Variants in PPFIBP1 observed in about 807,000 individuals in gnomAD.
PPFIBP1 encodes the protein liprin-beta-1.
A neutral mutation model predicts 137.8 loss-of-function variants in PPFIBP1; 112 were observed. The ratio of observed to expected loss-of-function variants is 0.81; its 90% CI spans 0.70 to 0.95. The LOEUF is 0.95. Ranked by LOEUF, PPFIBP1 falls within the 40% of genes least tolerant of loss-of-function variation. The pLI is 0.00. For missense variants in PPFIBP1, 1,083 were observed against 1,196.6 expected, an observed-to-expected ratio of 0.91 and a Z score of 1.40; for synonymous variants, 378 against 417.3, an observed-to-expected ratio of 0.91 and a Z score of 1.15.
At chr12:27,651,591 A>G (rs1431998222) in intron 7 of PPFIBP1, among the ~76,000 whole-genome samples, 1 of 152,146 alleles carries the variant, frequency 6.6e-6, no homozygotes, top group East Asian at 1.9e-4. Context: ...TCCTAACCCC[A>G]TAGTCGCAGG....
chr12:27,604,196 A>G (rs531815556), intron 2 of PPFIBP1, among the ~76,000 whole-genome samples: 42 of 152,358 alleles, frequency 2.8e-4, no homozygotes, highest in East Asian at 9.6e-4. Context: ...AGACTAACCC[A>G]GTTGGAGAAA....
intron 2 of PPFIBP1, among the ~76,000 whole-genome samples, chr12:27,610,590 T>C (rs1372798688): frequency 1.2e-4 from 18 of 152,206 alleles, no homozygotes; most frequent in Non-Finnish European, 2.5e-4. Flanking sequence ...GCAGAAAACA[T>C]GGGAGGAGAC....
At position 27,688,308 on chromosome 12, in the gene PPFIBP1, C is replaced by T. The variant is rs777145411; in HGVS notation, c.2381C>T (p.Ala794Val). Residue 794 changes from alanine to valine, a missense_variant, in exon 26 of 30, where the codon GCC becomes GTC. Ala to Val is a moderately conservative substitution (Grantham distance 64). Transcript: ENST00000228425. ...RRRPSDENTI[A>V]PSEVQKWTNH... The stretch of plus-strand genomic sequence containing the variant: ...TGTGTGTTCCCATAGAATACCATCG[C>T]CCCATCAGAAGTTCAGAAGTGGACT... 17 of 1,613,774 alleles carry T rather than the reference C, an allele frequency of 1.1e-5. No individual in the cohort carries two copies. The highest frequency in any genetic ancestry group is 1.4e-5 in the Non-Finnish European group (17 of 1,179,886).
intron 1 of PPFIBP1, among the ~76,000 whole-genome samples, chr12:27,558,066 T>C (rs986598532): frequency 1.3e-5 from 2 of 152,226 alleles, no homozygotes; most frequent in Non-Finnish European, 2.9e-5. Context: ...TTTGGGTATA[T>C]GTAGAAAGTG....
At chr12:27,650,323 T>TA (rs1381213586) in intron 7 of PPFIBP1, among the ~76,000 whole-genome samples, 182 bp downstream of exon 7, 5 of 152,256 alleles carry the variant, frequency 3.3e-5, no homozygotes, top group South Asian at 4.1e-4. Context: ...ATTGACTTTT[T>TA]ATCACTAGAT....
intron 1 of PPFIBP1, among the ~76,000 whole-genome samples, chr12:27,538,944 A>G (rs1397064446): frequency 6.6e-6 from 1 of 152,138 alleles, no homozygotes; most frequent in Non-Finnish European, 1.5e-5. Context: ...TTTGTGTCAC[A>G]ACCTGGGGGT....
chr12:27,610,955 A>G (rs1027159050), intron 2 of PPFIBP1, among the ~76,000 whole-genome samples: 1 of 151,976 alleles, frequency 6.6e-6, no homozygotes, highest in Non-Finnish European at 1.5e-5. Context: ...TAGGAAAAGT[A>G]TGAAAAACAA....
At position 27,688,422 on chromosome 12, in the gene PPFIBP1, T is replaced by A; in HGVS notation, c.2495T>A (p.Met832Lys). The A allele has an allele frequency of 6.2e-7, 1 of 1,613,512 alleles. No individual in the cohort carries two copies. The highest frequency in any genetic ancestry group is 8.5e-7 in the Non-Finnish European group (1 of 1,179,842). Residue 832 changes from methionine (M) to lysine (K), a missense_variant and splice_region_variant, in exon 26 of 30, where the codon ATG (methionine) becomes AAG (lysine). Physicochemically the swap from Met to Lys is moderately conservative, Grantham distance 95 (BLOSUM62 -1). Transcript: ENST00000228425. The stretch of plus-strand genomic sequence containing the variant: ...GGCAGTGGTGTCCATGGTGGGCTCA[T>A]GGTAAAGCTCTGATTTAATTTAAAA... ...LRGSGVHGGL[M>K]VLEPRFNVET...
chr12:27,589,360 G>A (rs1209704744), intron 2 of PPFIBP1, among the ~76,000 whole-genome samples: 14 of 152,134 alleles, frequency 9.2e-5, no homozygotes, highest in Admixed American at 9.2e-4. Flanking sequence ...GAATTTTCTG[G>A]TCTCAAAGTC....
chr12:27,597,972 A>AT (rs1192594830), intron 2 of PPFIBP1, among the ~76,000 whole-genome samples: 1 of 151,762 alleles, frequency 6.6e-6, no homozygotes, highest in Non-Finnish European at 1.5e-5. Flanking sequence ...CACCCGGCTA[A>AT]TTTTTGTTTT....
At chr12:27,665,864 T>G (rs946538917) in intron 12 of PPFIBP1, among the ~76,000 whole-genome samples, 3 of 152,182 alleles carry the variant, frequency 2.0e-5, no homozygotes, top group African/African-American at 7.2e-5. Context: ...AGTGAGCAAA[T>G]GAACCTCTAA....
chr12:27,646,024 G>A (rs1316100709), intron 4 of PPFIBP1, 38 bp from the exon 5 acceptor site: 3 of 1,410,216 alleles, frequency 2.1e-6, no homozygotes, highest in South Asian at 1.2e-5. Flanking sequence ...ATCATTCTTA[G>A]AGAAGATCAG....
At chr12:27,574,787 G>T (rs967210218) in intron 1 of PPFIBP1, among the ~76,000 whole-genome samples, 1 of 152,132 alleles carries the variant, frequency 6.6e-6, no homozygotes, top group Non-Finnish European at 1.5e-5. Flanking sequence ...CTTAACCTTG[G>T]ACAAGTTATT....
At chr12:27,545,585 C>T (rs1389273065) in intron 1 of PPFIBP1, among the ~76,000 whole-genome samples, 1 of 152,172 alleles carries the variant, frequency 6.6e-6, no homozygotes, top group Non-Finnish European at 1.5e-5. Context: ...CTCATTAGCA[C>T]TCCCACGAGC....
chr12:27,553,066 A>C (rs1460969859), intron 1 of PPFIBP1, among the ~76,000 whole-genome samples: 1 of 152,188 alleles, frequency 6.6e-6, no homozygotes, highest in Non-Finnish European at 1.5e-5. Flanking sequence ...GCCTAGGAGA[A>C]GATTTATGAG....
At position 27,597,952 on chromosome 12, in the gene PPFIBP1, T is replaced by A. The variant is rs74210419; in HGVS notation, c.-36+19713T>A. Among the ~76,000 whole-genome samples, 72 of 152,258 alleles carry A rather than the reference T, an allele frequency of 4.7e-4. No individual in the cohort carries two copies. The East Asian group carries it at 0.012, about 26-fold the overall frequency. ...TCCCAGGTCGCTGGGATTACAGGCATGTGCCACCACACCCGGCTAATTTTT... is the reference window on the plus strand; with the variant it reads ...TCCCAGGTCGCTGGGATTACAGGCAAGTGCCACCACACCCGGCTAATTTTT... On this transcript the variant is annotated intron_variant, in intron 2 of 29. Transcript: ENST00000228425.
chr12:27,541,987 T>A (rs903731924), intron 1 of PPFIBP1, among the ~76,000 whole-genome samples: 6 of 152,168 alleles, frequency 3.9e-5, no homozygotes, highest in African/African-American at 1.4e-4. Flanking sequence ...AATCCCTACA[T>A]AGCCCTATCT....
chr12:27,590,890 G>C (rs190752847), intron 2 of PPFIBP1, among the ~76,000 whole-genome samples: 34 of 152,302 alleles, frequency 2.2e-4, no homozygotes, highest in African/African-American at 7.7e-4. Context: ...TGGGTAGGAG[G>C]TATATGGGTT....
At chr12:27,681,508 T>C (rs770150157) in intron 21 of PPFIBP1, 38 bp from the exon 22 acceptor site, 9 of 1,601,672 alleles carry the variant, frequency 5.6e-6, no homozygotes, top group Admixed American at 1.7e-5. Flanking sequence ...AGGATTGGCT[T>C]TGGATTATTT....
Sources: gnomAD v4.1 joint callset for allele counts (sites outside exome capture counted in the v4.1 genomes callset) on GRCh38, gnomAD v4.1.1 for gene constraint, MANE v1.5 for transcripts, NCBI Gene and HGNC (gene_info 2026-07-23, HGNC 2026-07-21) for gene names.